The following ZFP92 variants were observed in gnomAD, a reference collection of about 807,000 sequenced individuals.
ZFP92 encodes zinc finger protein 92 homolog.
Under a neutral mutation model 7.6 loss-of-function variants are expected in ZFP92, and 2 were observed. The observed-to-expected ratio is 0.26, with a 90% CI of 0.11 to 0.83. The LOEUF is 0.83. Among genes scored for constraint, ZFP92 ranks in the 40% least tolerant of loss-of-function variants. The pLI is 0.65. For synonymous variants in ZFP92, 226 were observed against 183.6 expected (o/e 1.23, Z -1.87); for missense variants, 324 against 408.3 (o/e 0.79, Z 1.78).
rs782158604 is a variant in ZFP92, at chrX:153,420,710, C to T, written c.333C>T (p.Ala111=). Residue 111 remains alanine, a synonymous_variant, in exon 6 of 6, where the codon GCC becomes GCT. Transcript: ENST00000338647. Reference sequence around the variant, plus strand: ...ATTCTGGACGACAACTCCCCGGGGCCGATCCACAAGGTGGCAAGGAGGGGC... The same window carrying T: ...ATTCTGGACGACAACTCCCCGGGGCTGATCCACAAGGTGGCAAGGAGGGGC... ...QKHSGRQLPG[A]DPQGGKEGQA... The T allele has an allele frequency of 1.0e-5, 12 of 1,147,561 alleles. No individual in the cohort carries two copies. In the South Asian group the frequency reaches 1.2e-4, roughly 11 times the overall value. The allele number at this position is 1,147,561 out of a possible 1,213,427, so 94.6% of individuals were successfully genotyped here. A position where few individuals can be genotyped will look rare whatever the true frequency, so the allele number is the denominator to read the frequency against.
rs1556975814 is a variant in ZFP92, at chrX:153,423,390, T to TTA, written c.*1765_*1766dup. On this transcript the variant is annotated 3_prime_UTR_variant, in exon 6 of 6. Transcript: ENST00000338647. ...CACTAGGACAACTCCAGAAATAATG[T>TTA]TATACACACACACACACACACACAC... is the stretch of plus-strand genomic sequence containing the variant. The TTA allele has an allele frequency of 1.2e-4, 8 of 67,746 alleles. No individual in the cohort carries two copies. In the East Asian group the frequency reaches 4.3e-3, roughly 36 times the overall value. 5.6% of individuals were successfully genotyped at this position (67,746 alleles called of 1,213,427 possible). A position where few individuals can be genotyped will look rare whatever the true frequency, so the allele number is the denominator to read the frequency against.
chrX:153,421,046 C>G lies in ZFP92; in HGVS notation c.669C>G (p.Leu223=). ...CSKTFTRSSN[L]IKHQVIHSGE... is the part of the protein sequence containing the mutation. ...AGACCTTCACGCGCAGCTCCAACCT[C>G]ATCAAGCACCAGGTCATCCACAGCG... Residue 223 remains leucine (L), a synonymous_variant, in exon 6 of 6, where the codon CTC becomes CTG. Transcript: ENST00000338647. The G allele has an allele frequency of 8.4e-7, 1 of 1,195,460 alleles. No homozygotes were observed. Among genetic ancestry groups the G allele is most frequent in the Non-Finnish European group, 1.1e-6 (1 of 886,995 alleles).
At chrX:153,418,451 T>G (rs2088972782) in intron 3 of ZFP92, 96 bp downstream of exon 3, 2 of 1,066,268 alleles carry the variant, frequency 1.9e-6, no homozygotes, top group Admixed American at 5.9e-5. Flanking sequence ...GAGCTTAGGC[T>G]GCCCTTAGCA....
rs781809532 is a variant in ZFP92, at chrX:153,418,367, C to T, written c.33+12C>T. On this transcript the variant is annotated intron_variant, in intron 3 of 5. Transcript: ENST00000338647. ...CCACGAGACCCAAGGTGAGTGGTGG[C>T]CCCTCTCCCTGGCCTCTCCCCCTGG... 6.9e-6 allele frequency: 8 copies of T among 1,164,835 alleles called. No homozygotes were observed. The highest frequency in any genetic ancestry group is 9.2e-6 in the Non-Finnish European group (8 of 872,037).
At chrX:153,412,175 C>T (rs1291109133) in intron 2 of ZFP92, among the ~76,000 whole-genome samples, 162 bp downstream of exon 2, 1 of 112,487 alleles carries the variant, frequency 8.9e-6, no homozygotes, top group Non-Finnish European at 1.9e-5. Flanking sequence ...TGGTGCCTCG[C>T]GGTGGTGCGG....
In ZFP92 at chrX:153,416,399, T is replaced by C. The variant is rs782458067; in HGVS notation, c.-18-1906T>C. On this transcript the variant is annotated intron_variant, in intron 2 of 5. Transcript: ENST00000338647. ...TAGCATCCATTCCACCTTCAGGGAT[T>C]CAGAACATCAGCTTATGTATCTTGG... Among the ~76,000 whole-genome samples, 4 of 112,014 alleles carry C rather than the reference T, an allele frequency of 3.6e-5. No homozygotes were observed. In the South Asian group the frequency reaches 1.5e-3, roughly 42 times the overall value.
intron 5 of ZFP92, 84 bp downstream of exon 5, chrX:153,420,416 G>A (rs900433780): frequency 1.8e-5 from 17 of 946,350 alleles, no homozygotes; most frequent in Admixed American, 6.9e-5. Context: ...GTACCCTGCC[G>A]CTTTGGGTGG....
intron 3 of ZFP92, 80 bp from the exon 4 acceptor site, chrX:153,418,593 C>T: frequency 8.8e-7 from 1 of 1,137,605 alleles, no homozygotes; most frequent in Non-Finnish European, 1.2e-6. Context: ...CCCCCCGCCC[C>T]CCACATTTTG....
At position 153,421,780 on chromosome X, in the gene ZFP92, G is replaced by A. The variant is rs2089007566; in HGVS notation, c.*152G>A. On this transcript the variant is annotated 3_prime_UTR_variant, in exon 6 of 6. Transcript: ENST00000338647. ...CCTCTTTGGCCATCAGAAGACCCCA[G>A]GCAGAGCCTCACCCTGAGGCTGAGA... The A allele has an allele frequency of 1.4e-6, 1 of 700,509 alleles. No individual in the cohort carries two copies. The highest frequency in any genetic ancestry group is 6.7e-5 in the Admixed American group (1 of 14,994). The allele number at this position is 700,509 out of a possible 1,213,427, so 57.7% of individuals were successfully genotyped here.
Position 153,418,780 on chromosome X carries a change from T to C in ZFP92, c.141T>C (p.Tyr47=). Residue 47 remains tyrosine, a synonymous_variant, in exon 4 of 6, where the codon TAT becomes TAC. Transcript: ENST00000338647. ...VLYKRVMLEN[Y]SHLVSLGFSF... The stretch of plus-strand genomic sequence containing the variant: ...ACAAGCGGGTGATGCTGGAGAACTA[T>C]AGCCATTTGGTGTCACTGGGTAAGT... 8.6e-7 allele frequency: 1 copy of C among 1,167,715 alleles called. No individual in the cohort carries two copies. Among genetic ancestry groups the C allele is most frequent in the Non-Finnish European group, 1.1e-6 (1 of 872,974 alleles).
intron 2 of ZFP92, among the ~76,000 whole-genome samples, chrX:153,416,594 A>C (rs1248818273): frequency 1.8e-5 from 2 of 111,572 alleles, no homozygotes; most frequent in Non-Finnish European, 3.8e-5. Flanking sequence ...TTGGAACATC[A>C]ATAAAAGCTT....
intron 3 of ZFP92, 53 bp downstream of exon 3, chrX:153,418,408 G>A: frequency 5.2e-6 from 6 of 1,146,790 alleles, no homozygotes; most frequent in Non-Finnish European, 7.0e-6. Context: ...CCCGTCTGCT[G>A]CCTCCTCATG....
In ZFP92 at chrX:153,420,274, G is replaced by A; in HGVS notation, c.207G>A (p.Gly69=). 2.6e-6 allele frequency: 3 copies of A among 1,167,938 alleles called. No individual in the cohort carries two copies. The highest frequency in any genetic ancestry group is 2.6e-5 in the Admixed American group (1 of 38,754). Residue 69 remains glycine, a synonymous_variant, in exon 5 of 6, where the codon GGG becomes GGA. Coordinates refer to ENST00000338647, the MANE Select transcript of ZFP92 (RefSeq NM_001136273.2). ...ACCTGATCTCCCAATTGGAACGAGG[G>A]GAAGGACCCTGGGTAGCAGACATCC... The part of the protein sequence containing the change: ...KPHLISQLER[G]EGPWVADIPR...
intron 2 of ZFP92, among the ~76,000 whole-genome samples, chrX:153,417,808 G>C (rs1419959554): frequency 9.0e-6 from 1 of 111,726 alleles, no homozygotes; most frequent in African/African-American, 3.3e-5. Flanking sequence ...TTTGGAAAGG[G>C]AGACTTTGCA....
Position 153,420,693 on chromosome X carries a change from C to A in ZFP92, c.316C>A (p.Arg106=), listed in dbSNP as rs2088991277. 1 of 1,129,451 alleles carries A rather than the reference C, an allele frequency of 8.9e-7. No individual in the cohort carries two copies. Among genetic ancestry groups the A allele is most frequent in the African/African-American group, 1.8e-5 (1 of 54,719 alleles). The allele number at this position is 1,129,451 out of a possible 1,213,427, so 93.1% of individuals were successfully genotyped here. Residue 106 remains arginine (R), a synonymous_variant, in exon 6 of 6, where the codon CGA becomes AGA. Transcript: ENST00000338647. The part of the protein sequence containing the change: ...TSTSTQKHSG[R]QLPGADPQGG... ...GACTTCAACGCAGAAGCATTCTGGA[C>A]GACAACTCCCCGGGGCCGATCCACA...
rs1166346437 is a variant in ZFP92, at chrX:153,424,690, A to G, written c.*3062A>G. On this transcript the variant is annotated 3_prime_UTR_variant, in exon 6 of 6. Coordinates refer to ENST00000338647, the MANE Select transcript of ZFP92 (RefSeq NM_001136273.2). The stretch of plus-strand genomic sequence containing the variant: ...GGGCTTTTGCCCTTTGAAACTGTGA[A>G]TGCTTCAAGAGCCACATAAATGCTC... 8.9e-6 allele frequency: 1 copy of G among 112,344 alleles called. No individual in the cohort carries two copies. Among genetic ancestry groups the G allele is most frequent in the Admixed American group, 9.4e-5 (1 of 10,635 alleles). 9.3% of individuals were successfully genotyped at this position (112,344 alleles called of 1,213,427 possible).
rs955685573 is a variant in ZFP92 at position 153,424,144 on chromosome X, G to C, written c.*2516G>C. 14 of 111,946 alleles carry C rather than the reference G, an allele frequency of 1.3e-4. No homozygotes were observed. The highest frequency in any genetic ancestry group is 4.6e-4 in the African/African-American group (14 of 30,714). 9.2% of individuals were successfully genotyped at this position (111,946 alleles called of 1,213,427 possible). ...CTCAGGACCTACCCAAGACTGTCTA[G>C]ATACTGGCAGGACAAGGTACAGGAG... On this transcript the variant is annotated 3_prime_UTR_variant, in exon 6 of 6. Coordinates refer to ENST00000338647, the MANE Select transcript of ZFP92 (RefSeq NM_001136273.2).
At chrX:153,418,551 G>T in intron 3 of ZFP92, 122 bp from the exon 4 acceptor site, 1 of 1,026,755 alleles carries the variant, frequency 9.7e-7, no homozygotes, top group Non-Finnish European at 1.3e-6. Context: ...CGTGCAACCC[G>T]AGTCTTTCCA....
rs782112964 is a variant in ZFP92, at chrX:153,424,139, G to T, written c.*2511G>T. The T allele has an allele frequency of 8.9e-6, 1 of 111,959 alleles. No homozygotes were observed. Among genetic ancestry groups the T allele is most frequent in the Non-Finnish European group, 1.9e-5 (1 of 53,168 alleles). 9.2% of individuals were successfully genotyped at this position (111,959 alleles called of 1,213,427 possible). On this transcript the variant is annotated 3_prime_UTR_variant, in exon 6 of 6. Coordinates refer to ENST00000338647, the MANE Select transcript of ZFP92 (RefSeq NM_001136273.2). The stretch of plus-strand genomic sequence containing the variant: ...TTCACCTCAGGACCTACCCAAGACT[G>T]TCTAGATACTGGCAGGACAAGGTAC...
Sources: allele counts gnomAD v4.1 joint callset (sites outside exome capture counted in the v4.1 genomes callset), GRCh38; gene constraint gnomAD v4.1.1; transcripts MANE v1.5; gene names NCBI Gene and HGNC (gene_info 2026-07-23, HGNC 2026-07-21).